The following CIAPIN1 variants were observed in gnomAD, a reference collection of about 807,000 sequenced individuals.
CIAPIN1 encodes the protein anamorsin.
A neutral mutation model predicts 34.3 loss-of-function variants in CIAPIN1; 18 were observed. The ratio of observed to expected loss-of-function variants is 0.52; its 90% CI spans 0.36 to 0.78. The LOEUF (loss-of-function observed/expected upper bound fraction) is 0.78. Ranked by LOEUF, CIAPIN1 falls within the 30% of genes least tolerant of loss-of-function variation. The pLI, the probability that CIAPIN1 is intolerant of heterozygous loss-of-function variation, is 0.00. For synonymous variants in CIAPIN1, 131 were observed against 140.4 expected (o/e 0.93, Z 0.47); for missense variants, 310 against 372.5 (o/e 0.83, Z 1.38).
At chr16:57,436,045 G>A (rs1427793005) in intron 4 of CIAPIN1, among the ~76,000 whole-genome samples, 1 of 152,182 alleles carries the variant, frequency 6.6e-6, no homozygotes, top group Non-Finnish European at 1.5e-5. Context: ...AGATGGCAGT[G>A]TTCACCCAGG....
rs547795207 is a variant in CIAPIN1 at position 57,429,936 on chromosome 16, C to T, written c.828+322G>A. ...CTGGAATTACACACGTGAGCCACTG[C>T]GCCCGGCCATAGTTCTATATTCTAT... On this transcript the variant is annotated intron_variant, in intron 8 of 8. Transcript: ENST00000394391. Among the ~76,000 whole-genome samples the T allele has an allele frequency of 2.6e-5, 4 of 152,240 alleles. No homozygotes were observed. The South Asian group carries it at 6.2e-4, about 24-fold the overall frequency.
At chr16:57,430,549 T>C in intron 7 of CIAPIN1, 1 of 528,034 alleles carries the variant, frequency 1.9e-6, no homozygotes. Context: ...GTGTGCTCTG[T>C]CTACAGAGGG....
intron 6 of CIAPIN1, among the ~76,000 whole-genome samples, chr16:57,431,680 C>G (rs572303071): frequency 1.1e-4 from 16 of 152,240 alleles, no homozygotes; most frequent in African/African-American, 3.6e-4. Flanking sequence ...AGATAAAAAT[C>G]AAATAATTAT....
At chr16:57,441,044 A>G in intron 1 of CIAPIN1, 61 bp from the exon 2 acceptor site, 1 of 1,159,124 alleles carries the variant, frequency 8.6e-7, no homozygotes. Context: ...TTAGAATCCC[A>G]ACCTAACTTG....
rs1201227375 is a variant in CIAPIN1 at position 57,440,624 on chromosome 16, A to G, written c.157+148T>C. The G allele has an allele frequency of 4.9e-6, 4 of 815,022 alleles. No homozygotes were observed. In the East Asian group the frequency reaches 7.8e-5, roughly 16 times the overall value. 50.5% of individuals were successfully genotyped at this position (815,022 alleles called of 1,614,324 possible). On this transcript the variant is annotated intron_variant, in intron 2 of 8. Coordinates refer to ENST00000394391, the MANE Select transcript of CIAPIN1 (RefSeq NM_020313.4). ...AATTATTGGGGGTGGTTCCTCCGAT[A>G]TATCTCAACTGAAAAACAACAGGGT...
At chr16:57,430,590 A>G (rs1003470692) in intron 7 of CIAPIN1, 2 of 414,670 alleles carry the variant, frequency 4.8e-6, no homozygotes, top group East Asian at 7.1e-5. Flanking sequence ...GCTGGTTATC[A>G]TGCTGGGGAA....
chr16:57,433,878 A>C, intron 5 of CIAPIN1, 166 bp downstream of exon 5: 1 of 631,748 alleles, frequency 1.6e-6, no homozygotes, highest in East Asian at 3.0e-5. Context: ...TTTGGATCCT[A>C]ATATGCCCAT....
intron 1 of CIAPIN1, among the ~76,000 whole-genome samples, chr16:57,441,670 TA>T (rs1168603046): frequency 6.6e-6 from 1 of 152,210 alleles, no homozygotes; most frequent in Non-Finnish European, 1.5e-5. Context: ...GCTACATGGA[TA>T]AAGTGAGAGC....
intron 7 of CIAPIN1, 27 bp downstream of exon 7, chr16:57,431,124 G>T (rs1315375736): frequency 1.4e-6 from 2 of 1,424,294 alleles, no homozygotes; most frequent in Non-Finnish European, 9.9e-7. Context: ...AGGCAGCATG[G>T]CAGGCTCCAG....
At chr16:57,438,157 C>T (rs1307741084) in intron 3 of CIAPIN1, among the ~76,000 whole-genome samples, 1 of 152,122 alleles carries the variant, frequency 6.6e-6, no homozygotes, top group Non-Finnish European at 1.5e-5. Flanking sequence ...AAACAATGAA[C>T]ACCTTTATAC....
Position 57,429,137 on chromosome 16 carries a change from G to T in CIAPIN1, c.*33C>A. The T allele has an allele frequency of 6.9e-7, 1 of 1,459,152 alleles. No homozygotes were observed. The highest frequency in any genetic ancestry group is 9.6e-7 in the Non-Finnish European group (1 of 1,040,746). The allele number at this position is 1,459,152 out of a possible 1,614,324, so 90.4% of individuals were successfully genotyped here. On this transcript the variant is annotated 3_prime_UTR_variant, in exon 9 of 9. Coordinates refer to ENST00000394391, the MANE Select transcript of CIAPIN1 (RefSeq NM_020313.4). Reference sequence around the variant, plus strand: ...GGGATGTGAGGGACAGGAGTTGGCTGGAGGAGCAGATGGGTCCCATGTCAG... The same window carrying T: ...GGGATGTGAGGGACAGGAGTTGGCTTGAGGAGCAGATGGGTCCCATGTCAG...
chr16:57,434,453 A>G (rs1903156742), intron 4 of CIAPIN1, among the ~76,000 whole-genome samples: 1 of 152,246 alleles, frequency 6.6e-6, no homozygotes, highest in Admixed American at 6.5e-5. Context: ...CTTAAAAAAC[A>G]TTAGGGATGA....
chr16:57,440,628 C>A, intron 2 of CIAPIN1, 144 bp downstream of exon 2: 1 of 873,620 alleles, frequency 1.1e-6, no homozygotes, highest in Non-Finnish European at 1.8e-6. Context: ...TCCGATATAT[C>A]TCAACTGAAA....
At chr16:57,442,453 G>C (rs548118359) in intron 1 of CIAPIN1, among the ~76,000 whole-genome samples, 2 of 152,068 alleles carry the variant, frequency 1.3e-5, no homozygotes, top group East Asian at 3.9e-4. Context: ...TTGAGTCCAG[G>C]AGTTCAAGAC....
chr16:57,435,164 T>C (rs73561559), intron 4 of CIAPIN1, among the ~76,000 whole-genome samples: 9,747 of 152,136 alleles, frequency 0.064, 357 homozygotes, highest in African/African-American at 0.093. Flanking sequence ...GATGTGGTGG[T>C]TGTAAAGTAT....
At chr16:57,443,138 T>G (rs1439313155) in intron 1 of CIAPIN1, among the ~76,000 whole-genome samples, 22 of 149,430 alleles carry the variant, frequency 1.5e-4, no homozygotes, top group South Asian at 6.3e-4. Flanking sequence ...GTTTTGTTTT[T>G]TTTTTTTTTT....
chr16:57,432,706 C>A, intron 5 of CIAPIN1, 146 bp from the exon 6 acceptor site: 1 of 672,786 alleles, frequency 1.5e-6, no homozygotes, highest in Non-Finnish European at 2.5e-6. Context: ...AGCTCTACCC[C>A]TCTGAGAGGT....
At chr16:57,443,365 C>T (rs558804326) in intron 1 of CIAPIN1, among the ~76,000 whole-genome samples, 261 of 152,122 alleles carry the variant, frequency 1.7e-3, no homozygotes, top group African/African-American at 6.0e-3. Context: ...TCTTGAACTC[C>T]CAGCCTCAGG....
intron 3 of CIAPIN1, among the ~76,000 whole-genome samples, chr16:57,438,123 T>A (rs1035148897): frequency 6.6e-6 from 1 of 152,222 alleles, no homozygotes. Context: ...ATACTACACA[T>A]AACACAAAGT....
Sources: allele counts gnomAD v4.1 joint callset (sites outside exome capture counted in the v4.1 genomes callset), GRCh38; gene constraint gnomAD v4.1.1; transcripts MANE v1.5; gene names NCBI Gene and HGNC (gene_info 2026-07-23, HGNC 2026-07-21).